UNC5D: variants seen among roughly 807,000 people sequenced by gnomAD.
UNC5D encodes unc-5 netrin receptor D.
UNC5D carries 39 observed loss-of-function variants against 105.4 expected under a neutral mutation model. The ratio of observed to expected loss-of-function variants is 0.37; its 90% CI spans 0.29 to 0.48. The LOEUF (loss-of-function observed/expected upper bound fraction) is 0.48, where lower values mean the gene tolerates loss of function less well. UNC5D is among the 20% of genes least tolerant of loss of function. The pLI, the probability that UNC5D is intolerant of heterozygous loss-of-function variation, is 0.98. For missense variants in UNC5D, 991 were observed against 1,202.4 expected (o/e 0.82, Z 2.60); for synonymous variants, 452 against 450.4 (o/e 1.00, Z -0.04).
At chr8:35,692,489 T>G (rs1826475585) in intron 7 of UNC5D, among the ~76,000 whole-genome samples, 1 of 152,208 alleles carries the variant, frequency 6.6e-6, no homozygotes, top group South Asian at 2.1e-4. Context: ...ACAACTTATT[T>G]CTGTACTAGT....
At chr8:35,780,041 T>C (rs1226225286) in intron 16 of UNC5D, among the ~76,000 whole-genome samples, 2 of 152,134 alleles carry the variant, frequency 1.3e-5, no homozygotes, top group Non-Finnish European at 2.9e-5. Flanking sequence ...CCATGAGATA[T>C]GGGCAGATGA....
In UNC5D at chr8:35,375,626, G is replaced by C. The variant is rs552615106; in HGVS notation, c.103+139739G>C. 4.7e-4 allele frequency among the ~76,000 whole-genome samples: 71 copies of C among 152,214 alleles called. 1 individual carries two copies. The highest frequency in any genetic ancestry group is 9.3e-4 in the Non-Finnish European group (63 of 67,992). Reference sequence around the variant, plus strand: ...TAATTTTAACAATGGAATTTCATTTGTTACAAATCACCAACATTTGAGAGA... The same window carrying C: ...TAATTTTAACAATGGAATTTCATTTCTTACAAATCACCAACATTTGAGAGA... On this transcript the variant is annotated intron_variant, in intron 1 of 16. Coordinates refer to ENST00000404895, the MANE Select transcript of UNC5D (RefSeq NM_080872.4).
chr8:35,636,690 AG>A lies in UNC5D; in HGVS notation c.570+41037del, dbSNP rs764554991. ...ACAGAAAAGTGCTGGGGGATGGGGTAGGGGAGACTCCCTCATCAGGCCTCCA... is the reference window on the plus strand; with the variant it reads ...ACAGAAAAGTGCTGGGGGATGGGGTAGGGAGACTCCCTCATCAGGCCTCCA... On this transcript the variant is annotated intron_variant, in intron 4 of 16. Coordinates refer to ENST00000404895, the MANE Select transcript of UNC5D (RefSeq NM_080872.4). Among the ~76,000 whole-genome samples, 5 of 152,146 alleles carry A rather than the reference AG, an allele frequency of 3.3e-5. No individual in the cohort carries two copies. In the East Asian group the frequency reaches 5.8e-4, roughly 18 times the overall value.
intron 1 of UNC5D, among the ~76,000 whole-genome samples, chr8:35,410,612 G>A (rs185868107): frequency 6.2e-4 from 95 of 152,138 alleles, no homozygotes; most frequent in African/African-American, 2.0e-3. Context: ...TCAGAGCACC[G>A]TTTTTCAAAA....
chr8:35,711,754 A>G (rs1827978569), intron 8 of UNC5D, among the ~76,000 whole-genome samples: 1 of 152,132 alleles, frequency 6.6e-6, no homozygotes, highest in Non-Finnish European at 1.5e-5. Flanking sequence ...TGCTCTTGTA[A>G]GTTGCCTCCG....
intron 14 of UNC5D, among the ~76,000 whole-genome samples, chr8:35,766,234 T>C (rs1801759113): frequency 1.3e-5 from 2 of 152,086 alleles, no homozygotes; most frequent in Admixed American, 1.3e-4. Flanking sequence ...CTTTATACAT[T>C]ATAGTTGAAT....
At chr8:35,601,760 C>T (rs1819902063) in intron 4 of UNC5D, among the ~76,000 whole-genome samples, 1 of 152,186 alleles carries the variant, frequency 6.6e-6, no homozygotes, top group Admixed American at 6.5e-5. Flanking sequence ...GACAATTTGA[C>T]TTCCTCTTTT....
chr8:35,659,439 G>C (rs1368798758), intron 4 of UNC5D, among the ~76,000 whole-genome samples: 5 of 152,204 alleles, frequency 3.3e-5, no homozygotes, highest in Admixed American at 6.5e-5. Flanking sequence ...GAACAAGGTA[G>C]AACTAGTAAA....
chr8:35,688,147 CAA>C (rs1826149460), intron 7 of UNC5D, among the ~76,000 whole-genome samples: 1 of 142,438 alleles, frequency 7.0e-6, no homozygotes, highest in African/African-American at 2.9e-5. Flanking sequence ...CAAAAAAAAA[CAA>C]AACAACAACA....
chr8:35,431,120 G>A (rs1185017026), intron 1 of UNC5D, among the ~76,000 whole-genome samples: 2 of 152,150 alleles, frequency 1.3e-5, no homozygotes, highest in Non-Finnish European at 2.9e-5. Context: ...CTGTTAATAA[G>A]ATAAACCAGG....
chr8:35,660,340 C>T (rs1824032678), intron 4 of UNC5D, among the ~76,000 whole-genome samples: 2 of 152,174 alleles, frequency 1.3e-5, no homozygotes, highest in Admixed American at 1.3e-4. Context: ...GCTTCTTCCA[C>T]TTGCTGTTAG....
chr8:35,666,298 G>A (rs2131255627), intron 4 of UNC5D, among the ~76,000 whole-genome samples: 1 of 152,196 alleles, frequency 6.6e-6, no homozygotes, highest in South Asian at 2.1e-4. Flanking sequence ...TCGGAGTGAG[G>A]AGAATTGTGG....
chr8:35,725,586 G>A (rs1025575720), intron 9 of UNC5D, among the ~76,000 whole-genome samples: 1 of 151,978 alleles, frequency 6.6e-6, no homozygotes, highest in Non-Finnish European at 1.5e-5. Context: ...TTCATGAGGT[G>A]CCCTGACCCT....
chr8:35,300,536 C>CCAAGAAA (rs1377980140), intron 1 of UNC5D, among the ~76,000 whole-genome samples: 1 of 120,162 alleles, frequency 8.3e-6, no homozygotes, highest in Non-Finnish European at 1.8e-5. Context: ...ATAAAATTAA[C>CCAAGAAA]CAAGAAACCA....
intron 1 of UNC5D, among the ~76,000 whole-genome samples, chr8:35,484,767 C>T (rs1450549521): frequency 6.6e-6 from 1 of 152,130 alleles, no homozygotes; most frequent in Admixed American, 6.5e-5. Context: ...CTATCTGCGG[C>T]CGCTATACCA....
intron 1 of UNC5D, among the ~76,000 whole-genome samples, chr8:35,360,900 T>A (rs1398534129): frequency 1.3e-5 from 2 of 152,198 alleles, no homozygotes; most frequent in Non-Finnish European, 2.9e-5. Flanking sequence ...ATGGGAGAAC[T>A]GTGATTGGAA....
intron 1 of UNC5D, among the ~76,000 whole-genome samples, chr8:35,287,599 G>T (rs7010735): frequency 0.049 from 7,419 of 150,530 alleles, 203 homozygotes; most frequent in African/African-American, 0.075. Context: ...TTCAAGACCA[G>T]ACTAAGCAAT....
chr8:35,733,961 G>A (rs1829327230), intron 11 of UNC5D, among the ~76,000 whole-genome samples: 1 of 151,846 alleles, frequency 6.6e-6, no homozygotes, highest in Admixed American at 6.6e-5. Context: ...GAGGTTTGAG[G>A]GGTAGAGGGG....
chr8:35,599,733 A>G (rs564897517), intron 4 of UNC5D, among the ~76,000 whole-genome samples: 50 of 152,172 alleles, frequency 3.3e-4, no homozygotes, highest in South Asian at 6.2e-4. Context: ...CTTTTTTTCC[A>G]TATATGCAAA....
Sources: gnomAD v4.1 joint callset for allele counts (sites outside exome capture counted in the v4.1 genomes callset) on GRCh38, gnomAD v4.1.1 for gene constraint, MANE v1.5 for transcripts, NCBI Gene and HGNC (gene_info 2026-07-23, HGNC 2026-07-21) for gene names.